The following MMS22L variants were observed in gnomAD, a reference collection of about 807,000 sequenced individuals.
MMS22L encodes MMS22 like, DNA repair protein.
Under a neutral mutation model 159.1 loss-of-function variants are expected in MMS22L, and 74 were observed. The observed-to-expected ratio is 0.47, with a 90% CI of 0.39 to 0.56. The LOEUF (loss-of-function observed/expected upper bound fraction) is 0.56. Among genes scored for constraint, MMS22L ranks in the 20% least tolerant of loss-of-function variants. The pLI, the probability that MMS22L is intolerant of heterozygous loss-of-function variation, is 0.00. For synonymous variants in MMS22L, 517 were observed against 506.9 expected, an observed-to-expected ratio of 1.02 and a Z score of -0.27; for missense variants, 1,351 against 1,422.1, an observed-to-expected ratio of 0.95 and a Z score of 0.80.
At position 97,263,300 on chromosome 6, in the gene MMS22L, G is replaced by C. The variant is rs1814694593; in HGVS notation, c.942+35C>G. 3.2e-6 allele frequency: 4 copies of C among 1,264,490 alleles called. No homozygotes were observed. In the East Asian group the frequency reaches 9.6e-5, roughly 30 times the overall value. The allele number at this position is 1,264,490 out of a possible 1,614,324, so 78.3% of individuals were successfully genotyped here. A position where few individuals can be genotyped will look rare whatever the true frequency, so the allele number is the denominator to read the frequency against. ...TTGGATTAAATCAATATAAAGGTTAGTAACAATAACCAACACATCAATTTT... is the reference window on the plus strand; with the variant it reads ...TTGGATTAAATCAATATAAAGGTTACTAACAATAACCAACACATCAATTTT... On this transcript the variant is annotated intron_variant, in intron 9 of 24. Transcript: ENST00000683635.
chr6:97,165,198 G>C (rs747293461), intron 21 of MMS22L, 48 bp downstream of exon 21: 1 of 1,531,076 alleles, frequency 6.5e-7, no homozygotes, highest in Non-Finnish European at 9.0e-7. Flanking sequence ...CACTTTAATA[G>C]AGCTTAATAA....
intron 9 of MMS22L, among the ~76,000 whole-genome samples, chr6:97,262,759 C>T (rs575250830): frequency 1.3e-5 from 2 of 150,766 alleles, no homozygotes; most frequent in African/African-American, 4.9e-5. Flanking sequence ...TTTCATATAA[C>T]ATAAACCATT....
intron 4 of MMS22L, among the ~76,000 whole-genome samples, chr6:97,278,329 G>T (rs374021496): frequency 1.3e-5 from 2 of 151,700 alleles, no homozygotes; most frequent in Non-Finnish European, 2.9e-5. Flanking sequence ...CTTGAACCCG[G>T]GGGGCAGAGG....
Position 97,181,956 on chromosome 6 carries a change from TATC to T in MMS22L, c.2329_2331del (p.Asp777del), listed in dbSNP as rs772432035. 8.7e-6 allele frequency: 14 copies of T among 1,613,788 alleles called. No homozygotes were observed. In the Admixed American group the frequency reaches 1.8e-4, roughly 21 times the overall value. On this transcript the variant is annotated inframe_deletion, in exon 16 of 25. Transcript: ENST00000683635. ...CTTGCTACAACTTGAGGGCAGATGA[TATC>T]ATCCCAACCAAAAAGTTGAATAATT...
chr6:97,241,559 G>C (rs958385989), intron 11 of MMS22L, among the ~76,000 whole-genome samples: 1 of 152,036 alleles, frequency 6.6e-6, no homozygotes. Flanking sequence ...TAGTGATGTT[G>C]AGCATTTTTT....
chr6:97,157,322 C>A (rs1006852845), intron 22 of MMS22L, among the ~76,000 whole-genome samples: 2 of 152,152 alleles, frequency 1.3e-5, no homozygotes, highest in Admixed American at 1.3e-4. Flanking sequence ...CTTTCTCTTG[C>A]CTGACTGTCC....
rs1436460232 is a variant in MMS22L at position 97,153,362 on chromosome 6, ATCTTTTTT to A, written c.3386-1503_3386-1496del. 4.1e-5 allele frequency among the ~76,000 whole-genome samples: 5 copies of A among 121,546 alleles called. No individual in the cohort carries two copies. In the South Asian group the frequency reaches 8.4e-4, roughly 20 times the overall value. The allele number at this position is 121,546 out of a possible 152,430, so 79.7% of individuals were successfully genotyped here. On this transcript the variant is annotated intron_variant, in intron 22 of 24. Coordinates refer to ENST00000683635, the MANE Select transcript of MMS22L (RefSeq NM_001350599.2). The stretch of plus-strand genomic sequence containing the variant: ...CTTAACCTACTTTCTGTCTCTACAG[ATCTTTTTT>A]TTTTTTTTTTTTTTTTTTTGAGACG...
chr6:97,196,425 G>A (rs775592220), intron 14 of MMS22L, among the ~76,000 whole-genome samples: 2 of 152,150 alleles, frequency 1.3e-5, no homozygotes, highest in East Asian at 3.9e-4. Flanking sequence ...ACTAGTAGAC[G>A]GTATTACCTT....
At chr6:97,197,120 G>A (rs534031962) in intron 14 of MMS22L, among the ~76,000 whole-genome samples, 1 of 152,248 alleles carries the variant, frequency 6.6e-6, no homozygotes, top group African/African-American at 2.4e-5. Flanking sequence ...ATCACAAGAT[G>A]CCTTCAAGGA....
intron 3 of MMS22L, among the ~76,000 whole-genome samples, chr6:97,279,937 T>G (rs1281661174): frequency 6.6e-6 from 1 of 152,234 alleles, no homozygotes; most frequent in African/African-American, 2.4e-5. Flanking sequence ...TTATTTATCA[T>G]GTTCCATCTT....
intron 11 of MMS22L, among the ~76,000 whole-genome samples, chr6:97,244,191 G>C (rs1207354614): frequency 6.6e-5 from 10 of 152,168 alleles, no homozygotes; most frequent in African/African-American, 2.4e-4. Context: ...TGAGTTGGTT[G>C]GCCTCCAGCC....
intron 22 of MMS22L, among the ~76,000 whole-genome samples, chr6:97,155,978 C>T (rs1163153181): frequency 1.3e-5 from 2 of 152,192 alleles, no homozygotes; most frequent in African/African-American, 4.8e-5. Flanking sequence ...TTCTCCACAT[C>T]CTCTCCAGCA....
chr6:97,165,918 G>T (rs1053772021), intron 20 of MMS22L, among the ~76,000 whole-genome samples: 1 of 152,002 alleles, frequency 6.6e-6, no homozygotes, highest in Non-Finnish European at 1.5e-5. Context: ...TAATAACAAA[G>T]GGCGAGGAAT....
chr6:97,280,943 C>T (rs747456959), intron 3 of MMS22L, among the ~76,000 whole-genome samples: 4 of 152,098 alleles, frequency 2.6e-5, no homozygotes, highest in Admixed American at 1.3e-4. Flanking sequence ...AAGACTATGG[C>T]TATTGCACAA....
At chr6:97,202,144 C>A (rs1253333258) in intron 14 of MMS22L, among the ~76,000 whole-genome samples, 1 of 152,120 alleles carries the variant, frequency 6.6e-6, no homozygotes, top group East Asian at 1.9e-4. Context: ...ATATATTTTG[C>A]TGTGTACTAA....
intron 9 of MMS22L, among the ~76,000 whole-genome samples, chr6:97,255,624 C>T (rs977394328): frequency 2.0e-5 from 3 of 151,764 alleles, no homozygotes; most frequent in Non-Finnish European, 4.4e-5. Flanking sequence ...TACAAATTTC[C>T]CTCTAATTAT....
At chr6:97,227,287 C>T (rs955127908) in intron 14 of MMS22L, among the ~76,000 whole-genome samples, 1 of 152,086 alleles carries the variant, frequency 6.6e-6, no homozygotes, top group East Asian at 1.9e-4. Flanking sequence ...TTTTTCCCCA[C>T]GACTGCCTCT....
chr6:97,241,665 T>C (rs1812089782), intron 11 of MMS22L, among the ~76,000 whole-genome samples: 1 of 152,196 alleles, frequency 6.6e-6, no homozygotes, highest in Admixed American at 6.5e-5. Flanking sequence ...GGTTTATTCT[T>C]GTTTCTCTAG....
chr6:97,251,376 A>G (rs1260755955), intron 10 of MMS22L, among the ~76,000 whole-genome samples: 1 of 152,228 alleles, frequency 6.6e-6, no homozygotes, highest in Non-Finnish European at 1.5e-5. Context: ...GAGATAATAC[A>G]CAGTCACTGT....
Sources: allele counts gnomAD v4.1 joint callset (sites outside exome capture counted in the v4.1 genomes callset), GRCh38; gene constraint gnomAD v4.1.1; transcripts MANE v1.5; gene names NCBI Gene and HGNC (gene_info 2026-07-23, HGNC 2026-07-21).